ISCA1: variants seen among roughly 807,000 people sequenced by gnomAD.
ISCA1 encodes the protein iron-sulfur cluster assembly 1 homolog, mitochondrial.
In ISCA1, 9 loss-of-function variants were observed where a neutral mutation model predicts 14.7. The ratio of observed to expected loss-of-function variants is 0.61; its 90% CI spans 0.37 to 1.07. ISCA1 has a LOEUF of 1.07. Ranked by LOEUF, ISCA1 falls within the 50% of genes least tolerant of loss-of-function variation. The pLI is 0.01. For synonymous variants in ISCA1, 38 were observed against 54.3 expected (o/e 0.70, Z 1.32); for missense variants, 102 against 150.1 (o/e 0.68, Z 1.67).
Position 86,265,134 on chromosome 9 carries a change from T to A in ISCA1, c.*909A>T, listed in dbSNP as rs931480593. ...TCAAAATAAAATAAAAATAATATAA[T>A]CTCTATCAAATTATAAAGAAATTCT... On this transcript the variant is annotated 3_prime_UTR_variant, in exon 4 of 4. Transcript: ENST00000375991. The A allele has an allele frequency of 6.6e-6, 1 of 152,212 alleles. No individual in the cohort carries two copies. The highest frequency in any genetic ancestry group is 2.4e-5 in the African/African-American group (1 of 41,444). The allele number at this position is 152,212 out of a possible 1,614,324, so 9.4% of individuals were successfully genotyped here. A position where few individuals can be genotyped will look rare whatever the true frequency, so the allele number is the denominator to read the frequency against.
intron 1 of ISCA1, 57 bp from the exon 2 acceptor site, chr9:86,274,299 T>C: frequency 1.7e-6 from 2 of 1,147,382 alleles, no homozygotes; most frequent in Non-Finnish European, 1.3e-6. Context: ...AGCCTCATAT[T>C]TATCAGTCTT....
chr9:86,270,501 T>C (rs1475197286), intron 3 of ISCA1, among the ~76,000 whole-genome samples: 1 of 150,290 alleles, frequency 6.7e-6, no homozygotes, highest in Non-Finnish European at 1.5e-5. Flanking sequence ...GGTGGGACTG[T>C]AAACTAGTTC....
intron 3 of ISCA1, chr9:86,267,209 A>C (rs1211771923): frequency 4.1e-6 from 2 of 489,468 alleles, no homozygotes; most frequent in Non-Finnish European, 5.3e-6. Flanking sequence ...TGGGTAAGAG[A>C]GCAAGACTCT....
At chr9:86,266,962 T>C (rs1007769284) in intron 3 of ISCA1, 1 of 152,404 alleles carries the variant, frequency 6.6e-6, no homozygotes, top group African/African-American at 2.4e-5. Context: ...CCTCCCAAAG[T>C]GCTGGGATTA....
At chr9:86,282,329 G>GCGGACACGAGCAATGTCACGGGC in intron 1 of ISCA1, 49 bp downstream of exon 1, 1 of 1,526,206 alleles carries the variant, frequency 6.6e-7, no homozygotes, top group Non-Finnish European at 8.8e-7. Flanking sequence ...CTTGCACGGG[G>GCGGACACGAGCAATGTCACGGGC]CGGACACGAG....
At position 86,267,491 on chromosome 9, in the gene ISCA1, T is replaced by G. The variant is rs1332295882; in HGVS notation, c.242-1300A>C. ...TAAGAACTGCAAGCTAAGTGCATAC[T>G]TCCAATGACAAGATAAATTATTTAT... is the stretch of plus-strand genomic sequence containing the variant. On this transcript the variant is annotated intron_variant, in intron 3 of 3. Coordinates refer to ENST00000375991, the MANE Select transcript of ISCA1 (RefSeq NM_030940.4). The G allele has an allele frequency of 1.1e-5, 11 of 975,596 alleles. No homozygotes were observed. In the South Asian group the frequency reaches 4.3e-4, roughly 38 times the overall value. The allele number at this position is 975,596 out of a possible 1,614,324, so 60.4% of individuals were successfully genotyped here. A position where few individuals can be genotyped will look rare whatever the true frequency, so the allele number is the denominator to read the frequency against.
chr9:86,268,254 G>A (rs1825314312), intron 3 of ISCA1, among the ~76,000 whole-genome samples: 1 of 152,202 alleles, frequency 6.6e-6, no homozygotes, highest in Non-Finnish European at 1.5e-5. Flanking sequence ...GGAGGTGGTG[G>A]AAGACAGGGA....
chr9:86,279,818 A>C (rs1825486819), intron 1 of ISCA1, among the ~76,000 whole-genome samples: 1 of 152,228 alleles, frequency 6.6e-6, no homozygotes, highest in Non-Finnish European at 1.5e-5. Context: ...TGCTGATGAT[A>C]AACTAAGCAC....
intron 3 of ISCA1, among the ~76,000 whole-genome samples, chr9:86,268,857 T>C (rs1278285978): frequency 5.3e-5 from 8 of 152,102 alleles, no homozygotes; most frequent in Non-Finnish European, 1.0e-4. Flanking sequence ...TGCAATGGCA[T>C]GGTCTCGGCT....
At chr9:86,275,837 G>GTTTTGT (rs1180725715) in intron 1 of ISCA1, among the ~76,000 whole-genome samples, 3 of 152,052 alleles carry the variant, frequency 2.0e-5, no homozygotes, top group South Asian at 2.1e-4. Flanking sequence ...CAGGATTATG[G>GTTTTGT]TTTTGTTTTT....
chr9:86,278,018 T>C (rs915281875), intron 1 of ISCA1, among the ~76,000 whole-genome samples: 18 of 152,250 alleles, frequency 1.2e-4, no homozygotes, highest in Non-Finnish European at 2.6e-4. Flanking sequence ...CCTGTATTTC[T>C]TTAAGTAACT....
intron 1 of ISCA1, among the ~76,000 whole-genome samples, chr9:86,275,769 A>G (rs1825433481): frequency 6.6e-6 from 1 of 152,236 alleles, no homozygotes; most frequent in African/African-American, 2.4e-5. Context: ...AAAAGGAGGC[A>G]TGCAGTCCTC....
chr9:86,280,102 T>G (rs959710318), intron 1 of ISCA1, among the ~76,000 whole-genome samples: 1 of 152,090 alleles, frequency 6.6e-6, no homozygotes, highest in Non-Finnish European at 1.5e-5. Flanking sequence ...GGGGAGCAAG[T>G]GTGGAGAGAG....
At chr9:86,274,378 C>A in intron 1 of ISCA1, 136 bp from the exon 2 acceptor site, 1 of 622,606 alleles carries the variant, frequency 1.6e-6, no homozygotes. Context: ...ACCTTATGGA[C>A]TTTATATAGA....
At chr9:86,269,563 C>G (rs1825339654) in intron 3 of ISCA1, among the ~76,000 whole-genome samples, 1 of 151,906 alleles carries the variant, frequency 6.6e-6, no homozygotes, top group Non-Finnish European at 1.5e-5. Context: ...CTACCAATGA[C>G]TTTCTTCACA....
chr9:86,265,703 G>C lies in ISCA1; in HGVS notation c.*340C>G. The C allele has an allele frequency of 3.5e-6, 1 of 281,788 alleles. No individual in the cohort carries two copies. The highest frequency in any genetic ancestry group is 6.9e-6 in the Non-Finnish European group (1 of 143,916). 17.5% of individuals were successfully genotyped at this position (281,788 alleles called of 1,614,324 possible). On this transcript the variant is annotated 3_prime_UTR_variant, in exon 4 of 4. Coordinates refer to ENST00000375991, the MANE Select transcript of ISCA1 (RefSeq NM_030940.4). The stretch of plus-strand genomic sequence containing the variant: ...TTTTAGGAGTCACCGATCTGGTTGG[G>C]AGAAATGCTGAGGGATGATCAAGCC...
intron 3 of ISCA1, among the ~76,000 whole-genome samples, chr9:86,268,525 T>C (rs1408371393): frequency 2.0e-5 from 3 of 151,302 alleles, no homozygotes; most frequent in East Asian, 1.9e-4. Context: ...GAAGACTAAG[T>C]GTACAAGGTT....
At chr9:86,276,030 T>C (rs539970054) in intron 1 of ISCA1, among the ~76,000 whole-genome samples, 7 of 152,162 alleles carry the variant, frequency 4.6e-5, no homozygotes, top group Non-Finnish European at 1.0e-4. Flanking sequence ...ATGCATTACA[T>C]TTATTGTGCA....
Position 86,266,019 on chromosome 9 carries a change from T to C in ISCA1, c.*24A>G, listed in dbSNP as rs765007446. ...AGCTTCCACGAGCTTTCCTGGAACC[T>C]ACGGCCAGAAGAGTCCTGAGATTTC... On this transcript the variant is annotated 3_prime_UTR_variant, in exon 4 of 4. Transcript: ENST00000375991. 6.8e-6 allele frequency: 11 copies of C among 1,611,820 alleles called. No homozygotes were observed. Among genetic ancestry groups the C allele is most frequent in the Non-Finnish European group, 8.5e-6 (10 of 1,179,822 alleles).
Sources: gnomAD v4.1 joint callset for allele counts (sites outside exome capture counted in the v4.1 genomes callset) on GRCh38, gnomAD v4.1.1 for gene constraint, MANE v1.5 for transcripts, NCBI Gene and HGNC (gene_info 2026-07-23, HGNC 2026-07-21) for gene names.